The following FRAS1 variants were observed in gnomAD, a reference collection of about 807,000 sequenced individuals.
The protein encoded by FRAS1 is extracellular matrix organizing protein FRAS1.
Under a neutral mutation model 435.2 loss-of-function variants are expected in FRAS1, and 290 were observed. That is an observed-to-expected ratio of 0.67 (90% CI 0.61 to 0.73). FRAS1 has a LOEUF of 0.73. Among genes scored for constraint, FRAS1 ranks in the 30% least tolerant of loss-of-function variants. The pLI is 0.00. For missense variants in FRAS1, 4,860 were observed against 5,001.5 expected (o/e 0.97, Z 0.85); for synonymous variants, 1,800 against 1,851.0 (o/e 0.97, Z 0.71).
rs191926582 is a variant in FRAS1, at chr4:78,403,809, A to T, written c.4129+2922A>T. 1.2e-4 allele frequency among the ~76,000 whole-genome samples: 18 copies of T among 152,346 alleles called. No individual in the cohort carries two copies. The East Asian group carries it at 3.5e-3, about 29-fold the overall frequency. ...CCTACCGAACATCATAGCTTAGCCT[A>T]GCCTACCTTAAATGTGCCCAGAATA... is the stretch of plus-strand genomic sequence containing the variant. On this transcript the variant is annotated intron_variant, in intron 30 of 73. Transcript: ENST00000512123.
chr4:78,189,923 T>C (rs1475277556), intron 2 of FRAS1, among the ~76,000 whole-genome samples: 1 of 131,448 alleles, frequency 7.6e-6, no homozygotes, highest in Admixed American at 7.8e-5. Flanking sequence ...TAAATTCTAC[T>C]TCCTAAAGTA....
chr4:78,540,643 G>A lies in FRAS1; in HGVS notation c.11558G>A (p.Arg3853Lys). The A allele has an allele frequency of 1.2e-6, 2 of 1,603,888 alleles. No individual in the cohort carries two copies. Among genetic ancestry groups the A allele is most frequent in the African/African-American group, 1.3e-5 (1 of 74,640 alleles). Residue 3853 changes from arginine to lysine, a missense_variant, in exon 74 of 74, where the codon AGG becomes AAG. By Grantham distance (26) the Arg-to-Lys change is conservative. Transcript: ENST00000512123. ...ACAGCTCCACTCAGACGCAACCGAA[G>A]GGACCTGGTAGAGCCCGATGGCCAG... ...SLTAPLRRNR[R>K]DLVEPDGQLI...
chr4:78,341,530 C>T (rs365543), intron 20 of FRAS1, among the ~76,000 whole-genome samples: 26,962 of 151,990 alleles, frequency 0.18, 3,256 homozygotes, highest in African/African-American at 0.35. Flanking sequence ...GAAGGGGTCA[C>T]GATTTCACCA....
intron 56 of FRAS1, among the ~76,000 whole-genome samples, chr4:78,481,442 C>G (rs1338257910): frequency 6.6e-6 from 1 of 152,196 alleles, no homozygotes; most frequent in Admixed American, 6.5e-5. Flanking sequence ...AGTTTCTTCT[C>G]CCTAAATAGG....
chr4:78,060,225 GT>G (rs760651805), intron 1 of FRAS1, among the ~76,000 whole-genome samples: 70 of 152,262 alleles, frequency 4.6e-4, no homozygotes, highest in Non-Finnish European at 7.9e-4. Context: ...GAGACCTCTG[GT>G]TTGGTCCTCT....
chr4:78,217,456 GCCAGAGCTTCAGC>G (rs1723819664), intron 2 of FRAS1, among the ~76,000 whole-genome samples: 2 of 152,092 alleles, frequency 1.3e-5, no homozygotes, highest in East Asian at 3.9e-4. Flanking sequence ...GTGCGGGACT[GCCAGAGCTTCAGC>G]CCAGCTAAGA....
At chr4:78,113,585 T>G (rs1422765025) in intron 2 of FRAS1, among the ~76,000 whole-genome samples, 5 of 152,386 alleles carry the variant, frequency 3.3e-5, no homozygotes, top group African/African-American at 9.6e-5. Context: ...CCAGTGATGA[T>G]GAGCATTTTT....
In FRAS1 at chr4:78,450,283, A is replaced by G. The variant is rs1334511315; in HGVS notation, c.6407A>G (p.Glu2136Gly). 1.2e-6 allele frequency: 2 copies of G among 1,613,880 alleles called. No individual in the cohort carries two copies. Among genetic ancestry groups the G allele is most frequent in the Non-Finnish European group, 1.7e-6 (2 of 1,179,818 alleles). Residue 2136 changes from glutamate to glycine, a missense_variant, in exon 45 of 74, where the codon GAG becomes GGG. By Grantham distance (98) the Glu-to-Gly change is moderately conservative. Transcript: ENST00000512123. Reference protein sequence around the residue: ...RLQMMKHGNLEQISIKGPIRS... With the variant: ...RLQMMKHGNLGQISIKGPIRS... The stretch of plus-strand genomic sequence containing the variant: ...CAGATGATGAAGCATGGCAACCTGG[A>G]GCAAATTTCTATTAAAGGCCCCATC...
At position 78,508,889 on chromosome 4, in the gene FRAS1, C is replaced by G. The variant is rs1720936835; in HGVS notation, c.9663C>G (p.Ile3221Met). The change falls in exon 63 of 74, where the codon ATC becomes ATG. Residue 3221 changes from isoleucine to methionine, a missense_variant. Coordinates refer to ENST00000512123, the MANE Select transcript of FRAS1 (RefSeq NM_025074.7). ...AGGAGCGCTGCAGTGAGGCCGGCAT[C>G]AACCAGACATCTGTGCAGTTCAGCT... ...VMKERCSEAG[I>M]NQTSVQFSWE... The G allele has an allele frequency of 6.2e-7, 1 of 1,613,956 alleles. No homozygotes were observed. The highest frequency in any genetic ancestry group is 8.5e-7 in the Non-Finnish European group (1 of 1,179,888).
chr4:78,081,549 T>TA (rs1442089459), intron 2 of FRAS1, among the ~76,000 whole-genome samples: 1 of 151,904 alleles, frequency 6.6e-6, no homozygotes, highest in Admixed American at 6.6e-5. Context: ...AGGAGAGGGG[T>TA]AAGGGGGTGA....
chr4:78,306,777 T>G (rs1318169877), intron 14 of FRAS1, among the ~76,000 whole-genome samples: 1 of 152,160 alleles, frequency 6.6e-6, no homozygotes, highest in Admixed American at 6.5e-5. Context: ...AATTTTTTTT[T>G]CAAAGTTTTC....
At chr4:78,435,109 A>T (rs985239493) in intron 38 of FRAS1, among the ~76,000 whole-genome samples, 1 of 152,064 alleles carries the variant, frequency 6.6e-6, no homozygotes, top group African/African-American at 2.4e-5. Context: ...TACAAAAATC[A>T]TCCAGGCATG....
chr4:78,233,338 T>C (rs1724594651), intron 2 of FRAS1, among the ~76,000 whole-genome samples: 1 of 152,234 alleles, frequency 6.6e-6, no homozygotes, highest in South Asian at 2.1e-4. Context: ...CCAAGTTGTC[T>C]TGAAAACTCA....
chr4:78,119,020 C>G (rs1718855089), intron 2 of FRAS1, among the ~76,000 whole-genome samples: 1 of 150,056 alleles, frequency 6.7e-6, no homozygotes, highest in Non-Finnish European at 1.5e-5. Context: ...ATGTGAGTTG[C>G]AAATATTTTC....
chr4:78,104,077 G>T (rs992190593), intron 2 of FRAS1, among the ~76,000 whole-genome samples: 2 of 152,140 alleles, frequency 1.3e-5, no homozygotes, highest in African/African-American at 4.8e-5. Flanking sequence ...AGTACCTCCT[G>T]CATCACTACG....
At chr4:78,409,710 T>G (rs1470073417) in intron 31 of FRAS1, among the ~76,000 whole-genome samples, 1 of 152,118 alleles carries the variant, frequency 6.6e-6, no homozygotes, top group African/African-American at 2.4e-5. Context: ...CCAAGAAGAA[T>G]TTGGTAAAGT....
At position 78,430,344 on chromosome 4, in the gene FRAS1, TGAGCTTCGGAGACCTCCACA is replaced by T; in HGVS notation, c.4898_4917del (p.Glu1633AlafsTer6). 6.2e-7 allele frequency: 1 copy of T among 1,613,888 alleles called. No homozygotes were observed. Among genetic ancestry groups the T allele is most frequent in the Non-Finnish European group, 8.5e-7 (1 of 1,179,860 alleles). On this transcript the variant is annotated frameshift_variant, in exon 37 of 74. Coordinates refer to ENST00000512123, the MANE Select transcript of FRAS1 (RefSeq NM_025074.7). LOFTEE classifies it high-confidence loss of function. ...AGACAGCGCCCAAAGAACTCTTCTT[TGAGCTTCGGAGACCTCCACA>T]GCATGGTGTGCTTCTTAAGCATACA... is the stretch of plus-strand genomic sequence containing the variant.
chr4:78,470,271 G>A (rs1332257046), intron 51 of FRAS1, among the ~76,000 whole-genome samples, 180 bp downstream of exon 51: 2 of 151,958 alleles, frequency 1.3e-5, no homozygotes, highest in East Asian at 3.9e-4. Flanking sequence ...GTGTAGGATC[G>A]GTTACGATTG....
intron 44 of FRAS1, among the ~76,000 whole-genome samples, chr4:78,449,827 G>A (rs920275274): frequency 6.6e-6 from 1 of 152,150 alleles, no homozygotes; most frequent in Non-Finnish European, 1.5e-5. Flanking sequence ...AGTTATTTTT[G>A]TCACAGAACT....
Sources: gnomAD v4.1 joint callset for allele counts (sites outside exome capture counted in the v4.1 genomes callset) on GRCh38, gnomAD v4.1.1 for gene constraint, MANE v1.5 for transcripts, NCBI Gene and HGNC (gene_info 2026-07-23, HGNC 2026-07-21) for gene names.